The following TTC28 variants were observed in gnomAD, a reference collection of about 807,000 sequenced individuals.
The protein encoded by TTC28 is tetratricopeptide repeat domain 28, also known as tetratricopeptide repeat protein 28.
In TTC28, 61 loss-of-function variants were observed where a neutral mutation model predicts 198.0. The observed-to-expected ratio is 0.31, with a 90% CI of 0.25 to 0.38. The LOEUF is 0.38. TTC28 is among the 10% of genes least tolerant of loss of function. The pLI, the probability that TTC28 is intolerant of heterozygous loss-of-function variation, is 1.00. For synonymous variants in TTC28, 1,171 were observed against 1,297.8 expected (o/e 0.90, Z 2.10); for missense variants, 2,678 against 3,164.0 (o/e 0.85, Z 3.69).
chr22:28,451,006 A>C (rs909471718), intron 2 of TTC28, among the ~76,000 whole-genome samples: 8 of 152,216 alleles, frequency 5.3e-5, no homozygotes, highest in African/African-American at 1.7e-4. Flanking sequence ...TCAGTGTTTA[A>C]GGAGGATAAA....
chr22:28,027,268 A>G (rs541772222), intron 13 of TTC28, among the ~76,000 whole-genome samples: 2 of 152,286 alleles, frequency 1.3e-5, no homozygotes, highest in Admixed American at 1.3e-4. Flanking sequence ...TGGGGCTCAC[A>G]CCAAGGTCAG....
At chr22:28,354,314 G>A (rs2046042818) in intron 2 of TTC28, among the ~76,000 whole-genome samples, 1 of 152,044 alleles carries the variant, frequency 6.6e-6, no homozygotes, top group South Asian at 2.1e-4. Flanking sequence ...ATACAATGTG[G>A]TATGTACATA....
chr22:28,080,562 T>A (rs761866552), intron 12 of TTC28, among the ~76,000 whole-genome samples: 25 of 152,162 alleles, frequency 1.6e-4, no homozygotes, highest in Admixed American at 6.5e-5. Flanking sequence ...GTTGTTAAGT[T>A]GTAGGAGTTT....
intron 22 of TTC28, 59 bp downstream of exon 22, chr22:27,985,190 G>T: frequency 7.9e-7 from 1 of 1,266,276 alleles, no homozygotes; most frequent in Non-Finnish European, 1.1e-6. Flanking sequence ...GCTGGTGTCG[G>T]CCCCCAGGGA....
In TTC28 at chr22:28,062,413, CTTTTTTTTTTT is replaced by C. The variant is rs57398979; in HGVS notation, c.3932+31656_3932+31666del. Among the ~76,000 whole-genome samples the C allele has an allele frequency of 7.8e-5, 8 of 102,344 alleles. No homozygotes were observed. In the Admixed American group the frequency reaches 8.2e-4, roughly 10 times the overall value. 67.1% of individuals were successfully genotyped at this position (102,344 alleles called of 152,430 possible). On this transcript the variant is annotated intron_variant, in intron 12 of 22. Coordinates refer to ENST00000397906, the MANE Select transcript of TTC28 (RefSeq NM_001145418.2). ...GCCCTGTGGATTGTTTTTAACTCTTCTTTTTTTTTTTTTTTTTTTGGAATTATTTGAATATT... is the reference window on the plus strand; with the variant it reads ...GCCCTGTGGATTGTTTTTAACTCTTCTTTTTTTTGGAATTATTTGAATATT...
intron 2 of TTC28, among the ~76,000 whole-genome samples, chr22:28,326,973 C>T (rs928418648): frequency 4.2e-5 from 4 of 94,490 alleles, no homozygotes; most frequent in Non-Finnish European, 9.1e-5. Context: ...TACACAAACA[C>T]AAACACACAC....
rs555558298 is a variant in TTC28, at chr22:28,268,843, C to A, written c.933+27355G>T. ...TTTGAGAAATGCAGAAATATTTCCTCTTCAAAGTTATTTAATTTCTACTTC... is the reference window on the plus strand; with the variant it reads ...TTTGAGAAATGCAGAAATATTTCCTATTCAAAGTTATTTAATTTCTACTTC... On this transcript the variant is annotated intron_variant, in intron 5 of 22. Transcript: ENST00000397906. Among the ~76,000 whole-genome samples the A allele has an allele frequency of 3.9e-5, 6 of 152,254 alleles. No homozygotes were observed. The South Asian group carries it at 8.3e-4, about 21-fold the overall frequency.
At chr22:28,559,137 A>G (rs1442607935) in intron 2 of TTC28, among the ~76,000 whole-genome samples, 1 of 152,208 alleles carries the variant, frequency 6.6e-6, no homozygotes, top group Non-Finnish European at 1.5e-5. Flanking sequence ...ACTGCTTGAA[A>G]ATGGTTCACA....
At chr22:28,291,941 A>G (rs758854958) in intron 5 of TTC28, among the ~76,000 whole-genome samples, 17 of 152,136 alleles carry the variant, frequency 1.1e-4, no homozygotes, top group Non-Finnish European at 2.4e-4. Flanking sequence ...GAAGATTTCC[A>G]TTTTGGTTTC....
At chr22:28,135,725 A>C (rs1487982034) in intron 6 of TTC28, among the ~76,000 whole-genome samples, 1 of 152,228 alleles carries the variant, frequency 6.6e-6, no homozygotes, top group Admixed American at 6.5e-5. Flanking sequence ...GAACATGTGA[A>C]GCCAAGTTGG....
intron 5 of TTC28, among the ~76,000 whole-genome samples, chr22:28,180,261 A>G (rs1286005469): frequency 6.6e-6 from 1 of 152,226 alleles, no homozygotes; most frequent in Non-Finnish European, 1.5e-5. Flanking sequence ...AGGTTAAATA[A>G]TGTTCATAAA....
chr22:28,596,915 G>A (rs993744187), intron 2 of TTC28, among the ~76,000 whole-genome samples: 1 of 152,122 alleles, frequency 6.6e-6, no homozygotes, highest in Non-Finnish European at 1.5e-5. Flanking sequence ...CATATATTTA[G>A]AAGCAAGAAC....
intron 6 of TTC28, among the ~76,000 whole-genome samples, chr22:28,157,143 CA>C (rs1187714484): frequency 6.6e-6 from 1 of 152,008 alleles, no homozygotes; most frequent in East Asian, 1.9e-4. Flanking sequence ...TGCAGAAATC[CA>C]AAGGACCATT....
intron 13 of TTC28, among the ~76,000 whole-genome samples, chr22:28,027,111 C>T (rs376033540): frequency 1.3e-5 from 2 of 152,208 alleles, no homozygotes; most frequent in Non-Finnish European, 2.9e-5. Flanking sequence ...CACAAACACA[C>T]ACACACAAAT....
intron 12 of TTC28, among the ~76,000 whole-genome samples, chr22:28,033,768 T>C (rs1939223661): frequency 6.6e-6 from 1 of 152,304 alleles, no homozygotes; most frequent in Non-Finnish European, 1.5e-5. Flanking sequence ...AAGATAAGCT[T>C]TGGTGCCCCT....
chr22:28,444,467 T>A (rs2047672859), intron 2 of TTC28, among the ~76,000 whole-genome samples: 1 of 152,174 alleles, frequency 6.6e-6, no homozygotes, highest in Non-Finnish European at 1.5e-5. Context: ...AGCCTGAGAA[T>A]CTGAAATTCA....
chr22:28,070,686 ATAATT>A (rs1940932521), intron 12 of TTC28, among the ~76,000 whole-genome samples: 2 of 152,152 alleles, frequency 1.3e-5, no homozygotes, highest in Non-Finnish European at 1.5e-5. Context: ...TCTAAAAGAG[ATAATT>A]TAAAGTGGAT....
intron 5 of TTC28, among the ~76,000 whole-genome samples, chr22:28,170,671 T>A (rs556052829): frequency 3.2e-4 from 49 of 152,308 alleles, no homozygotes; most frequent in Non-Finnish European, 4.9e-4. Context: ...TGATGACTGA[T>A]GATTCTGTGA....
intron 2 of TTC28, among the ~76,000 whole-genome samples, chr22:28,333,203 T>C (rs2045644392): frequency 6.6e-6 from 1 of 152,214 alleles, no homozygotes; most frequent in East Asian, 1.9e-4. Flanking sequence ...TCAAACAATC[T>C]GAACCAATTT....
Sources: gnomAD v4.1 joint callset for allele counts (sites outside exome capture counted in the v4.1 genomes callset) on GRCh38, gnomAD v4.1.1 for gene constraint, MANE v1.5 for transcripts, NCBI Gene and HGNC (gene_info 2026-07-23, HGNC 2026-07-21) for gene names.